The following RNF175 variants were observed in gnomAD, a reference collection of about 807,000 sequenced individuals.
The protein encoded by RNF175 is ring finger protein 175.
A neutral mutation model predicts 50.0 loss-of-function variants in RNF175; 38 were observed. The observed-to-expected ratio is 0.76, with a 90% confidence interval of 0.59 to 1.00. RNF175 has a LOEUF of 1.00. Ranked by LOEUF, RNF175 falls within the 50% of genes least tolerant of loss-of-function variation. The pLI is 0.00. For missense variants in RNF175, 388 were observed against 409.6 expected (o/e 0.95, Z 0.46); for synonymous variants, 155 against 146.1 (o/e 1.06, Z -0.44).
At chr4:153,752,884 CAAAT>C (rs897935681) in intron 1 of RNF175, among the ~76,000 whole-genome samples, 25 of 151,812 alleles carry the variant, frequency 1.6e-4, no homozygotes, top group African/African-American at 5.6e-4. Flanking sequence ...ATACAAATGA[CAAAT>C]AAATTTATGG....
At chr4:153,759,026 T>G (rs1298337873) in intron 1 of RNF175, among the ~76,000 whole-genome samples, 1 of 152,192 alleles carries the variant, frequency 6.6e-6, no homozygotes, top group Non-Finnish European at 1.5e-5. Context: ...TGTTTAAGAG[T>G]TATCTTTGCC....
chr4:153,718,238 GT>G (rs1430601897), intron 6 of RNF175, among the ~76,000 whole-genome samples: 1 of 82,152 alleles, frequency 1.2e-5, no homozygotes, highest in Admixed American at 1.5e-4. Context: ...TTGTTTGTTT[GT>G]TTTTTTTTTT....
At chr4:153,737,112 G>A (rs2263435) in intron 3 of RNF175, among the ~76,000 whole-genome samples, 26,872 of 152,168 alleles carry the variant, frequency 0.18, 3,090 homozygotes, top group Non-Finnish European at 0.25. Context: ...TCCCACCTCA[G>A]CCTCCCAAGT....
chr4:153,719,638 TA>T (rs1487369468), intron 6 of RNF175, among the ~76,000 whole-genome samples: 2 of 152,214 alleles, frequency 1.3e-5, no homozygotes, highest in South Asian at 2.1e-4. Context: ...TGTTAGGGAT[TA>T]AAAAAATTCT....
intron 6 of RNF175, among the ~76,000 whole-genome samples, chr4:153,718,771 C>A (rs1738142387): frequency 6.6e-6 from 1 of 152,096 alleles, no homozygotes. Flanking sequence ...ATTGTACCAG[C>A]ATTTCACCAC....
At chr4:153,747,811 C>T (rs567630308) in intron 3 of RNF175, among the ~76,000 whole-genome samples, 3 of 152,318 alleles carry the variant, frequency 2.0e-5, no homozygotes, top group South Asian at 4.1e-4. Flanking sequence ...CCCACTTCTT[C>T]GTATCAATTT....
intron 1 of RNF175, among the ~76,000 whole-genome samples, chr4:153,759,056 C>T (rs72956836): frequency 0.013 from 2,013 of 152,260 alleles, 34 homozygotes; most frequent in African/African-American, 0.046. Flanking sequence ...TATTTTTGTC[C>T]TCGTTTTACG....
At chr4:153,743,371 A>G (rs11931479) in intron 3 of RNF175, among the ~76,000 whole-genome samples, 18,407 of 152,216 alleles carry the variant, frequency 0.12, 2,003 homozygotes, top group East Asian at 0.44. Flanking sequence ...TAGCCCCTCA[A>G]TAGAGACATG....
intron 5 of RNF175, among the ~76,000 whole-genome samples, chr4:153,722,877 G>T (rs1738435452): frequency 6.6e-6 from 1 of 151,648 alleles, no homozygotes; most frequent in African/African-American, 2.4e-5. Context: ...GTAAGTCTTT[G>T]AAATTCAGTA....
chr4:153,731,661 AAGAAAG>A (rs1171270785), intron 3 of RNF175, among the ~76,000 whole-genome samples: 2 of 146,360 alleles, frequency 1.4e-5, no homozygotes, highest in African/African-American at 4.9e-5. Context: ...AGGAAAGAGA[AAGAAAG>A]AGAGAGAGGG....
intron 8 of RNF175, among the ~76,000 whole-genome samples, chr4:153,710,969 A>C (rs1354256877): frequency 1.3e-5 from 2 of 152,208 alleles, no homozygotes; most frequent in Non-Finnish European, 2.9e-5. Context: ...TAATGAATGC[A>C]TAGTGTCTCC....
chr4:153,734,357 T>C (rs939326728), intron 3 of RNF175, among the ~76,000 whole-genome samples: 1 of 152,232 alleles, frequency 6.6e-6, no homozygotes, highest in Non-Finnish European at 1.5e-5. Flanking sequence ...GTATTTGGTA[T>C]TGTCAGTTTT....
At chr4:153,719,053 C>T (rs1049203911) in intron 6 of RNF175, among the ~76,000 whole-genome samples, 1 of 152,118 alleles carries the variant, frequency 6.6e-6, no homozygotes, top group Non-Finnish European at 1.5e-5. Context: ...CACCTGTCAA[C>T]CCATCAGCTA....
intron 4 of RNF175, 119 bp from the exon 5 acceptor site, chr4:153,723,577 T>C: frequency 3.3e-6 from 2 of 604,136 alleles, no homozygotes; most frequent in Admixed American, 2.8e-5. Flanking sequence ...AGTTTTTAGT[T>C]TCTAAAAGTA....
intron 5 of RNF175, chr4:153,720,688 G>C (rs1738282144): frequency 5.4e-6 from 1 of 185,220 alleles, no homozygotes; most frequent in Admixed American, 5.4e-5. Flanking sequence ...AGAACCACTA[G>C]AGCAATAGTT....
At position 153,740,344 on chromosome 4, in the gene RNF175, A is replaced by G. The variant is rs1178280012; in HGVS notation, c.246+8301T>C. Among the ~76,000 whole-genome samples, 9 of 152,178 alleles carry G rather than the reference A, an allele frequency of 5.9e-5. No homozygotes were observed. In the South Asian group the frequency reaches 1.7e-3, roughly 28 times the overall value. On this transcript the variant is annotated intron_variant, in intron 3 of 8. Transcript: ENST00000347063. ...TTTAATTGAAAAATAATAATTGTAT[A>G]TATTTATGAAGTACAATGTGATGTT... is the stretch of plus-strand genomic sequence containing the variant.
chr4:153,742,997 G>A (rs997745345), intron 3 of RNF175, among the ~76,000 whole-genome samples: 1 of 152,114 alleles, frequency 6.6e-6, no homozygotes, highest in African/African-American at 2.4e-5. Context: ...TACATGCCAA[G>A]AACAACAATT....
Position 153,723,363 on chromosome 4 carries a change from T to C in RNF175, c.497A>G (p.Asn166Ser). ...LAIMFTMCGF[N>S]LFFKIKARDS... ...TGGAGATACTTACTTGAAAAACAGATTGAATCCACACATTGTAAACATGAT... is the reference window on the plus strand; with the variant it reads ...TGGAGATACTTACTTGAAAAACAGACTGAATCCACACATTGTAAACATGAT... The change falls in exon 5 of 9, where the codon AAT (asparagine) becomes AGT (serine). Residue 166 changes from asparagine (N) to serine (S), a missense_variant. By Grantham distance (46) the Asn-to-Ser change is conservative. Coordinates refer to ENST00000347063, the MANE Select transcript of RNF175 (RefSeq NM_173662.4). The C allele has an allele frequency of 6.5e-7, 1 of 1,548,050 alleles. No individual in the cohort carries two copies. Among genetic ancestry groups the C allele is most frequent in the Non-Finnish European group, 8.9e-7 (1 of 1,120,146 alleles).
At chr4:153,736,591 T>C (rs373578875) in intron 3 of RNF175, among the ~76,000 whole-genome samples, 5 of 152,216 alleles carry the variant, frequency 3.3e-5, no homozygotes, top group Admixed American at 3.3e-4. Flanking sequence ...ACTGGTATCA[T>C]TTCTTCTTTA....
Sources: allele counts gnomAD v4.1 joint callset (sites outside exome capture counted in the v4.1 genomes callset), GRCh38; gene constraint gnomAD v4.1.1; transcripts MANE v1.5; gene names NCBI Gene and HGNC (gene_info 2026-07-23, HGNC 2026-07-21).